The following LRRC38 variants were observed in gnomAD, a reference collection of about 807,000 sequenced individuals.
LRRC38 encodes the protein leucine-rich repeat-containing protein 38.
A neutral mutation model predicts 16.4 loss-of-function variants in LRRC38; 5 were observed. The ratio of observed to expected loss-of-function variants is 0.31; its 90% CI spans 0.16 to 0.64. The LOEUF (loss-of-function observed/expected upper bound fraction) is 0.64, where lower values mean the gene tolerates loss of function less well. Ranked by LOEUF, LRRC38 falls within the 30% of genes least tolerant of loss-of-function variation. The pLI is 0.80. For missense variants in LRRC38, 341 were observed against 401.8 expected (o/e 0.85, Z 1.29); for synonymous variants, 191 against 190.2 (o/e 1.00, Z -0.04).
intron 1 of LRRC38, among the ~76,000 whole-genome samples, chr1:13,501,006 G>A (rs769313074): frequency 4.6e-5 from 7 of 152,056 alleles, no homozygotes; most frequent in Admixed American, 6.6e-5. Flanking sequence ...ATTACATGAC[G>A]TAATCCCTTT....
At chr1:13,501,393 A>T (rs1181211407) in intron 1 of LRRC38, among the ~76,000 whole-genome samples, 1 of 151,998 alleles carries the variant, frequency 6.6e-6, no homozygotes, top group Non-Finnish European at 1.5e-5. Context: ...CTCTTAACAA[A>T]GTCTATTAAT....
chr1:13,481,388 T>TA (rs1200875748), intron 1 of LRRC38, among the ~76,000 whole-genome samples: 6 of 130,122 alleles, frequency 4.6e-5, no homozygotes, highest in African/African-American at 1.1e-4. Context: ...TTTTTTTATT[T>TA]TTTTTTTTTT....
chr1:13,493,431 C>T (rs1032625716), intron 1 of LRRC38, among the ~76,000 whole-genome samples: 14 of 152,160 alleles, frequency 9.2e-5, no homozygotes, highest in African/African-American at 3.1e-4. Flanking sequence ...GGTGGGGACA[C>T]AGAAGTGAGG....
Position 13,513,248 on chromosome 1 carries a change from AGTT to A in LRRC38, c.343_345del (p.Asn115del), listed in dbSNP as rs1557507722. On this transcript the variant is annotated inframe_deletion, in exon 1 of 2. Coordinates refer to ENST00000376085, the MANE Select transcript of LRRC38 (RefSeq NM_001010847.2). ...AAGGCGCCGGCGCCCAGCTGGGTCA[AGTT>A]GTTGTAGCTGAGGTCGAGGAACACG... 1.3e-6 allele frequency: 2 copies of A among 1,550,268 alleles called. No homozygotes were observed. The highest frequency in any genetic ancestry group is 2.0e-5 in the Admixed American group (1 of 50,988).
intron 1 of LRRC38, among the ~76,000 whole-genome samples, chr1:13,491,146 G>C (rs1009817082): frequency 5.9e-5 from 9 of 152,126 alleles, no homozygotes; most frequent in African/African-American, 2.2e-4. Context: ...AGACATTTTT[G>C]GTTGTCACAC....
At chr1:13,492,116 C>T (rs2100504547) in intron 1 of LRRC38, among the ~76,000 whole-genome samples, 1 of 152,340 alleles carries the variant, frequency 6.6e-6, no homozygotes, top group Middle Eastern at 3.4e-3. Context: ...ACTAACTCCC[C>T]ATTCCCCCTC....
At chr1:13,505,289 A>T (rs974603213) in intron 1 of LRRC38, among the ~76,000 whole-genome samples, 4 of 152,180 alleles carry the variant, frequency 2.6e-5, no homozygotes, top group African/African-American at 9.6e-5. Flanking sequence ...TCCCTCCTGC[A>T]TAGCAGGAGC....
At chr1:13,477,865 A>T (rs948531905) in intron 1 of LRRC38, among the ~76,000 whole-genome samples, 1 of 152,152 alleles carries the variant, frequency 6.6e-6, no homozygotes, top group African/African-American at 2.4e-5. Flanking sequence ...CAGGGAACAC[A>T]ATGTAGCCAG....
intron 1 of LRRC38, among the ~76,000 whole-genome samples, chr1:13,485,146 G>C (rs1235793531): frequency 1.3e-5 from 2 of 152,064 alleles, no homozygotes; most frequent in South Asian, 4.1e-4. Flanking sequence ...GCGTGATGGC[G>C]CATGCCTGTA....
chr1:13,489,215 C>T (rs1397278939), intron 1 of LRRC38, among the ~76,000 whole-genome samples: 2 of 152,284 alleles, frequency 1.3e-5, no homozygotes, highest in East Asian at 1.9e-4. Context: ...TACTACTCCC[C>T]ATCACTCTCT....
chr1:13,484,292 C>A (rs1156692891), intron 1 of LRRC38, among the ~76,000 whole-genome samples: 5 of 152,210 alleles, frequency 3.3e-5, no homozygotes, highest in African/African-American at 1.2e-4. Flanking sequence ...CCTCCATCTC[C>A]CCCTTCCCTC....
In LRRC38 at chr1:13,483,335, A is replaced by C. The variant is rs548523757; in HGVS notation, c.632-7236T>G. 2.7e-3 allele frequency among the ~76,000 whole-genome samples: 418 copies of C among 152,204 alleles called. 5 individuals carry two copies. The highest frequency in any genetic ancestry group is 9.5e-3 in the African/African-American group (396 of 41,540). Reference sequence around the variant, plus strand: ...CCCAGCTAATTTTTGTATTTTTAGTAGAGATGGGGTTTCACTTTGGCCAGG... The same window carrying C: ...CCCAGCTAATTTTTGTATTTTTAGTCGAGATGGGGTTTCACTTTGGCCAGG... On this transcript the variant is annotated intron_variant, in intron 1 of 1. Transcript: ENST00000376085.
Position 13,512,952 on chromosome 1 carries a change from G to C in LRRC38, c.631+11C>G. The C allele has an allele frequency of 1.4e-6, 2 of 1,465,008 alleles. No individual in the cohort carries two copies. The highest frequency in any genetic ancestry group is 1.2e-5 in the South Asian group (1 of 80,266). 90.8% of individuals were successfully genotyped at this position (1,465,008 alleles called of 1,614,324 possible). ...CTCCCTCCCTCCCCCAGCCTAGCCG[G>C]CTCGGCTCACCTTTGGGCAGTTTGG... is the stretch of plus-strand genomic sequence containing the variant. On this transcript the variant is annotated intron_variant, in intron 1 of 1. Transcript: ENST00000376085.
intron 1 of LRRC38, among the ~76,000 whole-genome samples, chr1:13,509,227 G>A (rs1246105446): frequency 2.0e-5 from 3 of 152,034 alleles, no homozygotes; most frequent in African/African-American, 4.8e-5. Context: ...GAATCAGCTC[G>A]AATCTCTTTC....
chr1:13,489,941 C>G (rs899325878), intron 1 of LRRC38, among the ~76,000 whole-genome samples: 1 of 152,146 alleles, frequency 6.6e-6, no homozygotes, highest in Non-Finnish European at 1.5e-5. Context: ...AGAGTGTGTC[C>G]TGTAGAAGGG....
Position 13,513,516 on chromosome 1 carries a change from G to A in LRRC38, c.78C>T (p.His26=), listed in dbSNP as rs1201212768. 2.1e-6 allele frequency: 3 copies of A among 1,445,404 alleles called. No homozygotes were observed. In the Admixed American group the frequency reaches 8.5e-5, roughly 41 times the overall value. The allele number at this position is 1,445,404 out of a possible 1,614,324, so 89.5% of individuals were successfully genotyped here. A position where few individuals can be genotyped will look rare whatever the true frequency, so the allele number is the denominator to read the frequency against. The part of the protein sequence containing the change: ...CSLLLLLAPG[H]ACPAGCACTD... ...TGCAGGCGCAGCCCGCGGGGCACGC[G>A]TGCCCGGGCGCGAGCAGCAGCAGAA... is the stretch of plus-strand genomic sequence containing the variant. Residue 26 remains histidine, a synonymous_variant, in exon 1 of 2, where the codon CAC becomes CAT. Transcript: ENST00000376085.
At chr1:13,512,928 T>TCCCG in intron 1 of LRRC38, 35 bp downstream of exon 1, 1 of 435,442 alleles carries the variant, frequency 2.3e-6, no homozygotes, top group Non-Finnish European at 3.3e-6. Flanking sequence ...CCTGCCCCCC[T>TCCCG]CCCTCCCTCC....
chr1:13,481,764 TCTCTCTCCCTCTCTCCCTCTCTCC>T (rs59951448), intron 1 of LRRC38, among the ~76,000 whole-genome samples: 3,772 of 79,710 alleles, frequency 0.047, 159 homozygotes, highest in African/African-American at 0.23. Context: ...TTTCTTTCCC[TCTCTCTCCCTCTCTCCCTCTCTCC>T]CTCTCTCTCT....
At chr1:13,505,925 T>TA (rs1184222160) in intron 1 of LRRC38, among the ~76,000 whole-genome samples, 1 of 151,504 alleles carries the variant, frequency 6.6e-6, no homozygotes, top group Non-Finnish European at 1.5e-5. Flanking sequence ...GGAGAAGTGA[T>TA]AAGGAGGGGC....
Sources: allele counts gnomAD v4.1 joint callset (sites outside exome capture counted in the v4.1 genomes callset), GRCh38; gene constraint gnomAD v4.1.1; transcripts MANE v1.5; gene names NCBI Gene and HGNC (gene_info 2026-07-23, HGNC 2026-07-21).